Variants in UBE3A observed in about 807,000 individuals in gnomAD.
UBE3A encodes ubiquitin protein ligase E3A, also known as ubiquitin-protein ligase E3A.
Under a neutral mutation model 83.4 loss-of-function variants are expected in UBE3A, and 6 were observed. That is an observed-to-expected ratio of 0.07 (90% CI 0.04 to 0.14). The LOEUF (loss-of-function observed/expected upper bound fraction) is 0.14, where lower values mean the gene tolerates loss of function less well. UBE3A is among the 10% of genes least tolerant of loss of function. The pLI is 1.00. For synonymous variants in UBE3A, 337 were observed against 355.4 expected, an observed-to-expected ratio of 0.95 and a Z score of 0.58; for missense variants, 456 against 1,036.1, an observed-to-expected ratio of 0.44 and a Z score of 7.69.
At chr15:25,351,783 T>C (rs2076545050) in intron 11 of UBE3A, among the ~76,000 whole-genome samples, 1 of 152,236 alleles carries the variant, frequency 6.6e-6, no homozygotes, top group African/African-American at 2.4e-5. Flanking sequence ...TCATTTCTTG[T>C]TGACTGCTTA....
At chr15:25,341,075 T>A (rs1003884996) in intron 11 of UBE3A, among the ~76,000 whole-genome samples, 30 of 128,438 alleles carry the variant, frequency 2.3e-4, no homozygotes, top group Middle Eastern at 4.7e-3. Context: ...GCTAAATAAA[T>A]TTTTTTTTTT....
At chr15:25,436,502 CTG>C (rs1449524204) in intron 1 of UBE3A, among the ~76,000 whole-genome samples, 2 of 152,082 alleles carry the variant, frequency 1.3e-5, no homozygotes, top group Non-Finnish European at 2.9e-5. Context: ...CTGACTGACA[CTG>C]AGAGAAACAG....
intron 1 of UBE3A, chr15:25,417,903 T>A: frequency 6.6e-6 from 1 of 151,312 alleles, no homozygotes. Flanking sequence ...ACCATAAATG[T>A]ACAGATTCAA....
chr15:25,418,462 T>C (rs1888050942), intron 1 of UBE3A: 1 of 152,032 alleles, frequency 6.6e-6, no homozygotes, highest in South Asian at 2.1e-4. Flanking sequence ...ACAATATGGA[T>C]GAATCTCAAA....
intron 5 of UBE3A, chr15:25,375,193 C>G: frequency 7.3e-6 from 3 of 408,890 alleles, no homozygotes. Context: ...TGGAGATTCA[C>G]TACCACTTAA....
intron 6 of UBE3A, among the ~76,000 whole-genome samples, chr15:25,361,284 C>A (rs2078056099): frequency 6.6e-6 from 1 of 152,024 alleles, no homozygotes; most frequent in African/African-American, 2.4e-5. Flanking sequence ...CGCCACTACG[C>A]CTGGCTAAAT....
chr15:25,403,831 G>A (rs2087772166), intron 4 of UBE3A, among the ~76,000 whole-genome samples: 1 of 152,156 alleles, frequency 6.6e-6, no homozygotes, highest in Non-Finnish European at 1.5e-5. Flanking sequence ...ACACTGCGAA[G>A]TAAAATAAGC....
chr15:25,398,767 T>TTTTATA (rs1555415650), intron 4 of UBE3A, among the ~76,000 whole-genome samples: 1 of 67,138 alleles, frequency 1.5e-5, no homozygotes, highest in African/African-American at 5.0e-5. Context: ...TTTTATTCTT[T>TTTTATA]TATTTATATA....
At chr15:25,412,925 G>C (rs1389439875) in intron 1 of UBE3A, 1 of 402,780 alleles carries the variant, frequency 2.5e-6, no homozygotes, top group Non-Finnish European at 4.9e-6. Flanking sequence ...AGTGCATGAA[G>C]TAGGGGTAAA....
At chr15:25,407,373 AT>A in intron 3 of UBE3A, 1 of 678,988 alleles carries the variant, frequency 1.5e-6, no homozygotes, top group Non-Finnish European at 1.9e-6. Flanking sequence ...TGATAGGAAA[AT>A]AAAAATATTA....
intron 4 of UBE3A, among the ~76,000 whole-genome samples, chr15:25,384,459 CAA>C (rs1306982756): frequency 1.7e-4 from 12 of 70,132 alleles, no homozygotes; most frequent in Non-Finnish European, 2.3e-4. Flanking sequence ...GACTCTGTCT[CAA>C]AAAAAAAAAA....
chr15:25,347,595 G>A (rs1386294213), intron 11 of UBE3A, among the ~76,000 whole-genome samples: 1 of 152,186 alleles, frequency 6.6e-6, no homozygotes, highest in Non-Finnish European at 1.5e-5. Flanking sequence ...AGCTACCCAG[G>A]AGGCTGAGGC....
chr15:25,434,046 A>G (rs1200096486), intron 1 of UBE3A, among the ~76,000 whole-genome samples: 1 of 152,228 alleles, frequency 6.6e-6, no homozygotes, highest in East Asian at 1.9e-4. Flanking sequence ...TGGGCAACAC[A>G]GCGAGACCCT....
chr15:25,405,656 C>T, intron 3 of UBE3A, 154 bp from the exon 4 acceptor site: 2 of 785,064 alleles, frequency 2.5e-6, no homozygotes, highest in Admixed American at 4.4e-5. Context: ...AGAAAGTGGT[C>T]AGATCAGGTG....
intron 11 of UBE3A, among the ~76,000 whole-genome samples, chr15:25,343,576 GAATAA>G (rs1186306385): frequency 2.0e-5 from 3 of 151,936 alleles, no homozygotes; most frequent in South Asian, 4.2e-4. Flanking sequence ...CAAAGAAAAT[GAATAA>G]AATAAACATA....
intron 4 of UBE3A, among the ~76,000 whole-genome samples, chr15:25,400,896 T>G (rs932228210): frequency 1.3e-5 from 2 of 152,216 alleles, no homozygotes; most frequent in Admixed American, 6.5e-5. Context: ...AAAGAAAAGC[T>G]TTTAACTTTT....
intron 4 of UBE3A, among the ~76,000 whole-genome samples, chr15:25,398,167 C>CAAAAAAAAAAAAAA (rs71127052): frequency 4.0e-5 from 4 of 99,210 alleles, no homozygotes; most frequent in African/African-American, 2.2e-4. Context: ...GACTCTGTCT[C>CAAAAAAAAAAAAAA]AAAAAAAAAA....
Position 25,437,869 on chromosome 15 carries a change from A to C in UBE3A, c.-165+620T>G, listed in dbSNP as rs147834548. On this transcript the variant is annotated intron_variant, in intron 1 of 12. Coordinates refer to ENST00000648336, the MANE Select transcript of UBE3A (RefSeq NM_130839.5). ...CTGAAAAGGGGGGGGAAAAAAGGCC[A>C]ACTGCTTGCATACAGGTCTGCATAT... Among the ~76,000 whole-genome samples, 3,420 of 152,186 alleles carry C rather than the reference A, an allele frequency of 0.022. 75 individuals carry two copies. The highest frequency in any genetic ancestry group is 0.051 in the Middle Eastern group (15 of 292).
intron 11 of UBE3A, among the ~76,000 whole-genome samples, chr15:25,350,701 T>TAA (rs571234644): frequency 2.7e-5 from 4 of 148,762 alleles, no homozygotes; most frequent in African/African-American, 4.9e-5. Context: ...CACCAACAGG[T>TAA]AAAAAAAAAA....
Sources: gnomAD v4.1 joint callset for allele counts (sites outside exome capture counted in the v4.1 genomes callset) on GRCh38, gnomAD v4.1.1 for gene constraint, MANE v1.5 for transcripts, NCBI Gene and HGNC (gene_info 2026-07-23, HGNC 2026-07-21) for gene names.